E2F7: variants seen among roughly 807,000 people sequenced by gnomAD.
E2F7 encodes the protein E2F transcription factor 7.
Under a neutral mutation model 81.1 loss-of-function variants are expected in E2F7, and 35 were observed. That is an observed-to-expected ratio of 0.43 (90% CI 0.33 to 0.57). The LOEUF (loss-of-function observed/expected upper bound fraction) is 0.57. E2F7 is among the 20% of genes least tolerant of loss of function. E2F7 has a pLI of 0.04. For synonymous variants in E2F7, 416 were observed against 416.2 expected, an observed-to-expected ratio of 1.00 and a Z score of 0.01; for missense variants, 961 against 1,093.7, an observed-to-expected ratio of 0.88 and a Z score of 1.71.
chr12:77,050,603 A>G lies in E2F7; in HGVS notation c.511T>C (p.Ser171Pro). 6.2e-7 allele frequency: 1 copy of G among 1,614,028 alleles called. No individual in the cohort carries two copies. The stretch of plus-strand genomic sequence containing the variant: ...AGACTGACAGCAACTTCATCTAGGG[A>G]GATGGTAGTTTTCTCAGTTGACAAG... The part of the protein sequence containing the change: ...YPLSTEKTTI[S>P]LDEVAVSLGV... Residue 171 changes from serine (S) to proline (P), a missense_variant, in exon 4 of 13, where the codon TCC (serine) becomes CCC (proline). By Grantham distance (74) the Ser-to-Pro change is moderately conservative (BLOSUM62 -1). Around this residue, in one of 3 missense-constraint regions of E2F7, gnomAD observed 301 missense variants for 405.0 expected, o/e 0.74. Coordinates refer to ENST00000322886, the MANE Select transcript of E2F7 (RefSeq NM_203394.3).
At position 77,021,789 on chromosome 12, in the gene E2F7, C is replaced by T. The variant is rs1026897390; in HGVS notation, c.*2226G>A. The stretch of plus-strand genomic sequence containing the variant: ...CACTACCCAAAATATCCAAGTCTAG[C>T]GCAGCAGCTTCAATTCCACCAGTTG... On this transcript the variant is annotated 3_prime_UTR_variant, in exon 13 of 13. Transcript: ENST00000322886. The T allele has an allele frequency of 1.3e-5, 2 of 152,200 alleles. No homozygotes were observed. The highest frequency in any genetic ancestry group is 2.4e-5 in the African/African-American group (1 of 41,428). 9.4% of individuals were successfully genotyped at this position (152,200 alleles called of 1,614,324 possible).
chr12:77,030,626 T>C (rs2120636069), intron 9 of E2F7, among the ~76,000 whole-genome samples: 1 of 152,340 alleles, frequency 6.6e-6, no homozygotes, highest in South Asian at 2.1e-4. Flanking sequence ...TTATCAATTA[T>C]CAAGCACTTA....
At chr12:77,029,702 A>G in intron 10 of E2F7, 129 bp downstream of exon 10, 1 of 1,440,688 alleles carries the variant, frequency 6.9e-7, no homozygotes. Context: ...CCAGTGCTTA[A>G]TTATGCAAGT....
Position 77,055,974 on chromosome 12 carries a change from T to A in E2F7, c.250A>T (p.Thr84Ser). 6.2e-7 allele frequency: 1 copy of A among 1,614,186 alleles called. No homozygotes were observed. Among genetic ancestry groups the A allele is most frequent in the Non-Finnish European group, 8.5e-7 (1 of 1,180,034 alleles). Residue 84 changes from threonine to serine, a missense_variant, in exon 3 of 13, where the codon ACA (threonine) becomes TCA (serine). Physicochemically the swap from Thr to Ser is moderately conservative, Grantham distance 58. Transcript: ENST00000322886. ...DRQQAEPWTP[T>S]ANLKMLISAA... is the part of the protein sequence containing the mutation. ...CTAATGAGCATCTTCAGGTTAGCTGTGGGTGTCCATGGTTCCGCTTGCTGT... is the reference window on the plus strand; with the variant it reads ...CTAATGAGCATCTTCAGGTTAGCTGAGGGTGTCCATGGTTCCGCTTGCTGT...
intron 10 of E2F7, among the ~76,000 whole-genome samples, chr12:77,029,306 C>T (rs2120628209): frequency 6.6e-6 from 1 of 152,326 alleles, no homozygotes; most frequent in South Asian, 2.1e-4. Flanking sequence ...TCTCATTAAC[C>T]TCTGAATGGC....
At position 77,023,795 on chromosome 12, in the gene E2F7, T is replaced by C. The variant is rs1048734293; in HGVS notation, c.*220A>G. The C allele has an allele frequency of 7.6e-6, 4 of 524,376 alleles. No individual in the cohort carries two copies. Among genetic ancestry groups the C allele is most frequent in the Non-Finnish European group, 1.3e-5 (4 of 307,736 alleles). 32.5% of individuals were successfully genotyped at this position (524,376 alleles called of 1,614,324 possible). A position where few individuals can be genotyped will look rare whatever the true frequency, so the allele number is the denominator to read the frequency against. On this transcript the variant is annotated 3_prime_UTR_variant, in exon 13 of 13. Coordinates refer to ENST00000322886, the MANE Select transcript of E2F7 (RefSeq NM_203394.3). ...CAAAACCATAAGTCAGTCGGCGCTTTCACTGTGACACCATGCAGAGTCGGA... is the reference window on the plus strand; with the variant it reads ...CAAAACCATAAGTCAGTCGGCGCTTCCACTGTGACACCATGCAGAGTCGGA...
At position 77,024,012 on chromosome 12, in the gene E2F7, AGGT is replaced by A; in HGVS notation, c.2736_*2del. The A allele has an allele frequency of 6.2e-7, 1 of 1,604,382 alleles. No homozygotes were observed. The highest frequency in any genetic ancestry group is 2.3e-5 in the East Asian group (1 of 44,166). The stretch of plus-strand genomic sequence containing the variant: ...TCCCACCCCCACCTGGCAAAGCGGC[AGGT>A]TAGTCAGCGCCGCCGCTGGGGATTT... On this transcript the variant is annotated stop_lost and 3_prime_UTR_variant, in exon 13 of 13. Transcript: ENST00000322886.
At chr12:77,047,120 C>A (rs1954949859) in intron 4 of E2F7, among the ~76,000 whole-genome samples, 1 of 152,180 alleles carries the variant, frequency 6.6e-6, no homozygotes, top group South Asian at 2.1e-4. Context: ...TACTCACTTT[C>A]CCAACACTCC....
chr12:77,030,036 C>A lies in E2F7; in HGVS notation c.1679G>T (p.Ser560Ile). The change falls in exon 10 of 13, where the codon AGT becomes ATT. Residue 560 changes from serine (S) to isoleucine (I), a missense_variant. By Grantham distance (142) the Ser-to-Ile change is moderately radical. Coordinates refer to ENST00000322886, the MANE Select transcript of E2F7 (RefSeq NM_203394.3). ...PSASLFMLYG[S>I]LQEGPASGSG... is the part of the protein sequence containing the mutation. ...CCCTGACGCTGGTCCCTCCTGCAGA[C>A]TTCCATACAGCATGAACAGTGAGGC... is the stretch of plus-strand genomic sequence containing the variant. 2 of 1,614,208 alleles carry A rather than the reference C, an allele frequency of 1.2e-6. No homozygotes were observed. The highest frequency in any genetic ancestry group is 1.7e-6 in the Non-Finnish European group (2 of 1,180,028).
Position 77,054,095 on chromosome 12 carries a change from G to A in E2F7, c.369+1760C>T, listed in dbSNP as rs576161452. ...CTTGAGGGTAGAGGGTGAGAGGAGG[G>A]TGAGAATTGAAAAACTACCTATTGG... On this transcript the variant is annotated intron_variant, in intron 3 of 12. Transcript: ENST00000322886. 2.0e-5 allele frequency among the ~76,000 whole-genome samples: 3 copies of A among 152,162 alleles called. No homozygotes were observed. The South Asian group carries it at 6.2e-4, about 32-fold the overall frequency.
At chr12:77,027,350 T>C (rs975343098) in intron 11 of E2F7, among the ~76,000 whole-genome samples, 1 of 152,238 alleles carries the variant, frequency 6.6e-6, no homozygotes, top group Non-Finnish European at 1.5e-5. Context: ...AGATGTATTA[T>C]CTTATTAAAT....
chr12:77,043,730 T>C (rs1954915141), intron 6 of E2F7, among the ~76,000 whole-genome samples: 1 of 152,112 alleles, frequency 6.6e-6, no homozygotes, highest in African/African-American at 2.4e-5. Context: ...AATTGTAGCA[T>C]TCTAGCCACC....
Position 77,033,139 on chromosome 12 carries a change from A to G in E2F7, c.1310-17T>C, listed in dbSNP as rs777675729. The G allele has an allele frequency of 1.2e-6, 2 of 1,611,554 alleles. No individual in the cohort carries two copies. Among genetic ancestry groups the G allele is most frequent in the East Asian group, 2.2e-5 (1 of 44,832 alleles). On this transcript the variant is annotated splice_polypyrimidine_tract_variant and intron_variant, in intron 8 of 12. Transcript: ENST00000322886. ...CACCTGATCCTGAAAAGGAAGATGAAGGCTTAACAAATATAGCAAGAGACT... is the reference window on the plus strand; with the variant it reads ...CACCTGATCCTGAAAAGGAAGATGAGGGCTTAACAAATATAGCAAGAGACT...
At chr12:77,041,200 T>C (rs1019094824) in intron 7 of E2F7, among the ~76,000 whole-genome samples, 1 of 152,240 alleles carries the variant, frequency 6.6e-6, no homozygotes, top group Middle Eastern at 3.4e-3. Flanking sequence ...TCTTACTTTC[T>C]TCTTTTTTGA....
At chr12:77,041,279 C>A (rs552944940) in intron 7 of E2F7, among the ~76,000 whole-genome samples, 95 of 152,186 alleles carry the variant, frequency 6.2e-4, no homozygotes, top group Non-Finnish European at 1.1e-3. Context: ...GCAACCTCCG[C>A]CTCCCTGGTT....
At chr12:77,055,353 AC>A (rs1245266450) in intron 3 of E2F7, among the ~76,000 whole-genome samples, 73 of 146,770 alleles carry the variant, frequency 5.0e-4, no homozygotes, top group Non-Finnish European at 1.6e-4. Context: ...GAAAATAATT[AC>A]CTTTTTTTTT....
chr12:77,046,808 G>A (rs1239746987), intron 4 of E2F7, among the ~76,000 whole-genome samples: 3 of 152,122 alleles, frequency 2.0e-5, no homozygotes, highest in Non-Finnish European at 4.4e-5. Context: ...CTATCCTTTC[G>A]TGAAGTTCCA....
Position 77,027,866 on chromosome 12 carries a change from A to C in E2F7, c.2140+17T>G. 1.2e-6 allele frequency: 2 copies of C among 1,613,112 alleles called. No individual in the cohort carries two copies. The highest frequency in any genetic ancestry group is 1.7e-6 in the Non-Finnish European group (2 of 1,179,592). On this transcript the variant is annotated intron_variant, in intron 11 of 12. Coordinates refer to ENST00000322886, the MANE Select transcript of E2F7 (RefSeq NM_203394.3). Reference sequence around the variant, plus strand: ...TGACTGCCGCAAGGGACTCTAAGACATGATGACATCCCTTACCTGCAGGAG... The same window carrying C: ...TGACTGCCGCAAGGGACTCTAAGACCTGATGACATCCCTTACCTGCAGGAG...
At position 77,055,928 on chromosome 12, in the gene E2F7, C is replaced by G. The variant is rs780909990; in HGVS notation, c.296G>C (p.Arg99Thr). The G allele has an allele frequency of 6.2e-7, 1 of 1,614,086 alleles. No homozygotes were observed. The highest frequency in any genetic ancestry group is 1.1e-5 in the South Asian group (1 of 91,082). ...MLISAASPDI[R>T]DREKKKGLFR... ...TAGTCCCTTTTTCTTCTCCCGGTCC[C>G]TTATATCTGGGCTGGCAGCACTAAT... Residue 99 changes from arginine (R) to threonine (T), a missense_variant, in exon 3 of 13, where the codon AGG becomes ACG. Arg to Thr is a moderately conservative substitution (Grantham distance 71). Around this residue, in one of 3 missense-constraint regions of E2F7, gnomAD observed 301 missense variants for 405.0 expected, o/e 0.74. Coordinates refer to ENST00000322886, the MANE Select transcript of E2F7 (RefSeq NM_203394.3).
Sources: gnomAD v4.1 joint callset for allele counts (sites outside exome capture counted in the v4.1 genomes callset) on GRCh38, gnomAD v4.1.1 for gene constraint, gnomAD v4.1.1 regional missense constraint, MANE v1.5 for transcripts, NCBI Gene and HGNC (gene_info 2026-07-23, HGNC 2026-07-21) for gene names.